Variants in ACCSL observed in about 807,000 individuals in gnomAD.
ACCSL encodes the protein 1-aminocyclopropane-1-carboxylate synthase homolog (inactive) like.
A neutral mutation model predicts 61.7 loss-of-function variants in ACCSL; 55 were observed. That is an observed-to-expected ratio of 0.89 (90% CI 0.72 to 1.12). The LOEUF (loss-of-function observed/expected upper bound fraction) is 1.12. Ranked by LOEUF, ACCSL falls within the 50% of genes most tolerant of loss-of-function variation. The pLI is 0.00. For synonymous variants in ACCSL, 258 were observed against 264.3 expected (o/e 0.98, Z 0.23); for missense variants, 632 against 698.0 (o/e 0.91, Z 1.07).
At position 44,048,342 on chromosome 11, in the gene ACCSL, G is replaced by C. The variant is rs769239667; in HGVS notation, c.306G>C (p.Arg102Ser). ...LQVPLPSEDSRGDVRYGQRAQ... is the reference protein window; with the variant it reads ...LQVPLPSEDSSGDVRYGQRAQ... ...TGCCTCTTCCTTCTGAGGACTCTAGGGGTGATGTCAGATATGGGCAGAGGG... is the reference window on the plus strand; with the variant it reads ...TGCCTCTTCCTTCTGAGGACTCTAGCGGTGATGTCAGATATGGGCAGAGGG... The change falls in exon 1 of 14, where the codon AGG becomes AGC. Residue 102 changes from arginine to serine, a missense_variant. Transcript: ENST00000378832. 1.5e-5 allele frequency: 24 copies of C among 1,613,976 alleles called. No individual in the cohort carries two copies. The highest frequency in any genetic ancestry group is 2.7e-5 in the African/African-American group (2 of 74,888).
At chr11:43,929,534 G>A in the ACCSL span, among the ~76,000 whole-genome samples, 1 of 152,294 alleles carries the variant, frequency 6.6e-6, no homozygotes, top group African/African-American at 2.4e-5. Flanking sequence ...AGCGTCTTGA[G>A]TAGCTGGGAT....
chr11:43,998,064 G>A, the ACCSL span, among the ~76,000 whole-genome samples: 14 of 152,184 alleles, frequency 9.2e-5, no homozygotes, highest in South Asian at 2.1e-4. Context: ...CACTTTCTGC[G>A]TATCTTTGGG....
chr11:43,999,763 G>T, the ACCSL span, among the ~76,000 whole-genome samples: 1 of 152,042 alleles, frequency 6.6e-6, no homozygotes. Context: ...TGGCAGCCAC[G>T]GTCTTTCAAT....
At chr11:43,964,951 G>T in the ACCSL span, among the ~76,000 whole-genome samples, 1 of 152,116 alleles carries the variant, frequency 6.6e-6, no homozygotes, top group Non-Finnish European at 1.5e-5. Flanking sequence ...CCTCAACCAG[G>T]TAAAGGACAT....
At chr11:43,946,836 T>G in the ACCSL span, among the ~76,000 whole-genome samples, 3 of 152,030 alleles carry the variant, frequency 2.0e-5, no homozygotes, top group African/African-American at 7.2e-5. Context: ...GGAGGGAGTT[T>G]GGGATGCTGC....
upstream of ACCSL, among the ~76,000 whole-genome samples, chr11:44,044,881 G>A (rs1233613452): frequency 6.6e-6 from 1 of 152,166 alleles, no homozygotes; most frequent in Non-Finnish European, 1.5e-5. Flanking sequence ...CTAGCTGCTA[G>A]AGAAGGCCCC....
At chr11:43,996,345 TGGAACGTGG>T in the ACCSL span, among the ~76,000 whole-genome samples, 1 of 152,252 alleles carries the variant, frequency 6.6e-6, no homozygotes, top group African/African-American at 2.4e-5. Flanking sequence ...CAATGGGGTG[TGGAACGTGG>T]GTCAGAGGGG....
chr11:44,058,695 AT>A lies in ACCSL; in HGVS notation c.1622del (p.Leu541TrpfsTer17), dbSNP rs776477443. 1 of 1,610,016 alleles carries A rather than the reference AT, an allele frequency of 6.2e-7. No homozygotes were observed. Among genetic ancestry groups the A allele is most frequent in the South Asian group, 1.1e-5 (1 of 90,570 alleles). On this transcript the variant is annotated frameshift_variant, in exon 13 of 14. Transcript: ENST00000378832. LOFTEE classifies it low-confidence loss of function (END_TRUNC). Reference sequence around the variant, plus strand: ...TTGCAGATGAGCTCCCCCGGCTAAAATTGGGTGAGTGGAGCTGACCTCCCAA... The same window carrying A: ...TTGCAGATGAGCTCCCCCGGCTAAAATGGGTGAGTGGAGCTGACCTCCCAA... ...IFADELPRLK[L>X]AMRRFCDVLQ...
chr11:43,957,523 C>T, the ACCSL span, among the ~76,000 whole-genome samples: 1 of 152,116 alleles, frequency 6.6e-6, no homozygotes, highest in African/African-American at 2.4e-5. Flanking sequence ...CTTATCAGAC[C>T]TTAAAAGGCG....
At chr11:43,965,396 G>A in the ACCSL span, among the ~76,000 whole-genome samples, 1 of 152,130 alleles carries the variant, frequency 6.6e-6, no homozygotes, top group Non-Finnish European at 1.5e-5. Flanking sequence ...TTTAACCAAG[G>A]TGGTTGTAAG....
chr11:43,992,798 C>T, the ACCSL span, among the ~76,000 whole-genome samples: 2 of 152,196 alleles, frequency 1.3e-5, no homozygotes, highest in African/African-American at 4.8e-5. Context: ...AAATAGACCA[C>T]GAAATGTATA....
chr11:44,035,953 A>G, the ACCSL span, among the ~76,000 whole-genome samples: 1 of 151,552 alleles, frequency 6.6e-6, no homozygotes, highest in Non-Finnish European at 1.5e-5. Flanking sequence ...AAAAAAAAAA[A>G]AAAAAAAGAA....
the ACCSL span, chr11:43,943,197 C>A: frequency 1.3e-6 from 2 of 1,520,460 alleles, no homozygotes; most frequent in South Asian, 2.5e-5. The surrounding 1 kb of genome is among the most constrained non-coding windows in gnomAD (Gnocchi z 4.8). Context: ...CAGAGCCTGT[C>A]GCTGCAGCGG....
At chr11:43,967,190 T>TC in the ACCSL span, among the ~76,000 whole-genome samples, 199 of 124,784 alleles carry the variant, frequency 1.6e-3, 1 homozygote, top group African/African-American at 5.6e-3. Flanking sequence ...TTTTTTTTTT[T>TC]TTTTGAGATG....
the ACCSL span, among the ~76,000 whole-genome samples, chr11:43,937,296 C>A: frequency 1.3e-5 from 2 of 152,172 alleles, no homozygotes; most frequent in Non-Finnish European, 2.9e-5. Flanking sequence ...ACAAGAAGAC[C>A]CTTTAGATAA....
At chr11:43,966,227 A>G in the ACCSL span, among the ~76,000 whole-genome samples, 20 of 152,310 alleles carry the variant, frequency 1.3e-4, 3 homozygotes, top group Admixed American at 1.2e-3. Context: ...GGAGTTCAAG[A>G]CCAGCGTGGC....
At chr11:43,941,824 C>T in the ACCSL span, among the ~76,000 whole-genome samples, 1 of 152,292 alleles carries the variant, frequency 6.6e-6, no homozygotes, top group South Asian at 2.1e-4. Flanking sequence ...ATACGTAAAA[C>T]AGAGCTCATG....
chr11:43,941,290 T>C, the ACCSL span, among the ~76,000 whole-genome samples: 1 of 152,250 alleles, frequency 6.6e-6, no homozygotes, highest in African/African-American at 2.4e-5. Flanking sequence ...GTGTATCATC[T>C]GTCTCTCCCC....
intron 5 of ACCSL, 136 bp downstream of exon 5, chr11:44,051,855 A>C: frequency 1.0e-6 from 1 of 954,540 alleles, no homozygotes; most frequent in Non-Finnish European, 1.6e-6. Context: ...CTTCTCCCAC[A>C]CTGACTAGGT....
Sources: allele counts gnomAD v4.1 joint callset (sites outside exome capture counted in the v4.1 genomes callset), GRCh38; gene constraint gnomAD v4.1.1; non-coding constraint Gnocchi (gnomAD v3.1); transcripts MANE v1.5; gene names NCBI Gene and HGNC (gene_info 2026-07-23, HGNC 2026-07-21).